Variants in CHL1 observed in about 807,000 individuals in gnomAD.
The protein encoded by CHL1 is neural cell adhesion molecule L1-like protein.
A neutral mutation model predicts 141.9 loss-of-function variants in CHL1; 96 were observed. The observed-to-expected ratio is 0.68, with a 90% CI of 0.57 to 0.80. The LOEUF (loss-of-function observed/expected upper bound fraction) is 0.80. CHL1 is among the 30% of genes least tolerant of loss of function. CHL1 has a pLI of 0.00. For synonymous variants in CHL1, 613 were observed against 502.2 expected (o/e 1.22, Z -2.95); for missense variants, 1,820 against 1,457.2 (o/e 1.25, Z -4.05).
At chr3:233,537 TAA>T (rs1396184646) in intron 1 of CHL1, among the ~76,000 whole-genome samples, 1 of 152,192 alleles carries the variant, frequency 6.6e-6, no homozygotes, top group Non-Finnish European at 1.5e-5. Context: ...TCTATTACAT[TAA>T]GTCATCTTCA....
At chr3:232,879 C>T (rs1261092828) in intron 1 of CHL1, among the ~76,000 whole-genome samples, 1 of 152,134 alleles carries the variant, frequency 6.6e-6, no homozygotes, top group African/African-American at 2.4e-5. Context: ...CTCTGTTACT[C>T]CACTTCCTTT....
At chr3:197,780 T>A (rs1046842810) in intron 1 of CHL1, 1 of 455,838 alleles carries the variant, frequency 2.2e-6, no homozygotes, top group Admixed American at 2.4e-5. Flanking sequence ...GGGGCCGTGG[T>A]TGCCATGGCT....
intron 1 of CHL1, among the ~76,000 whole-genome samples, chr3:204,966 G>C (rs879510249): frequency 2.0e-5 from 3 of 152,142 alleles, no homozygotes; most frequent in Non-Finnish European, 4.4e-5. Context: ...CAAGTAGTTA[G>C]CTTTACCACT....
At chr3:333,828 T>A (rs1701651560) in intron 5 of CHL1, among the ~76,000 whole-genome samples, 1 of 152,226 alleles carries the variant, frequency 6.6e-6, no homozygotes. Context: ...TAAATAATCC[T>A]AATTTGACTG....
chr3:227,197 G>A (rs1701432169), intron 1 of CHL1, among the ~76,000 whole-genome samples: 1 of 152,134 alleles, frequency 6.6e-6, no homozygotes, highest in Admixed American at 6.5e-5. Context: ...CAAGCAGAGA[G>A]TAGTTTTTAA....
At chr3:220,015 T>C (rs1181069120) in intron 1 of CHL1, among the ~76,000 whole-genome samples, 2 of 152,190 alleles carry the variant, frequency 1.3e-5, no homozygotes, top group Non-Finnish European at 2.9e-5. Flanking sequence ...ACTACTGATA[T>C]ATGCAACAAA....
intron 27 of CHL1, among the ~76,000 whole-genome samples, chr3:404,293 T>G (rs1709365606): frequency 6.6e-6 from 1 of 152,200 alleles, no homozygotes; most frequent in African/African-American, 2.4e-5. Context: ...GCCATCCTGC[T>G]TTATTCCTAG....
At chr3:337,245 C>CAG (rs1354736731) in intron 5 of CHL1, among the ~76,000 whole-genome samples, 2 of 139,190 alleles carry the variant, frequency 1.4e-5, no homozygotes, top group Non-Finnish European at 3.0e-5. Flanking sequence ...GGCTGGAGGG[C>CAG]AGTGGCACAA....
chr3:369,709 A>G (rs1404089963), intron 15 of CHL1, among the ~76,000 whole-genome samples: 3 of 152,224 alleles, frequency 2.0e-5, no homozygotes, highest in South Asian at 2.1e-4. Flanking sequence ...GCTTTTGCCA[A>G]TTCAATATGA....
chr3:241,778 G>A, intron 1 of CHL1, among the ~76,000 whole-genome samples: 1 of 150,938 alleles, frequency 6.6e-6, no homozygotes, highest in Non-Finnish European at 1.5e-5. Flanking sequence ...CTCCATTCTT[G>A]TTTTACATTT....
chr3:263,936 A>C (rs544691052), intron 2 of CHL1, among the ~76,000 whole-genome samples: 1 of 152,366 alleles, frequency 6.6e-6, no homozygotes, highest in East Asian at 1.9e-4. Flanking sequence ...TTTTAAAAGA[A>C]TGACCTTTCC....
At chr3:299,821 C>T (rs369214282) in intron 2 of CHL1, among the ~76,000 whole-genome samples, 7 of 152,054 alleles carry the variant, frequency 4.6e-5, no homozygotes, top group East Asian at 1.9e-4. Flanking sequence ...TGTGCCTCTG[C>T]GAACACCCAC....
intron 2 of CHL1, among the ~76,000 whole-genome samples, chr3:279,256 CCGGTTT>C (rs2125285699): frequency 6.6e-6 from 1 of 152,118 alleles, no homozygotes; most frequent in East Asian, 1.9e-4. Context: ...GAGAAAGTAT[CCGGTTT>C]CTTGCATCAT....
chr3:328,522 C>G (rs1024988909), intron 5 of CHL1, 168 bp downstream of exon 5: 1 of 491,288 alleles, frequency 2.0e-6, no homozygotes, highest in Non-Finnish European at 3.5e-6. Context: ...TACTTAAAAT[C>G]GGATGACCTT....
chr3:289,797 T>C (rs1697505946), intron 2 of CHL1, among the ~76,000 whole-genome samples: 1 of 151,904 alleles, frequency 6.6e-6, no homozygotes, highest in African/African-American at 2.4e-5. Context: ...TACATCTTAT[T>C]TAATACATAT....
intron 2 of CHL1, among the ~76,000 whole-genome samples, chr3:291,921 T>C (rs981259772): frequency 3.9e-5 from 6 of 152,204 alleles, no homozygotes; most frequent in Non-Finnish European, 7.3e-5. Context: ...CTTATAAATA[T>C]AACCTTTGTG....
intron 4 of CHL1, among the ~76,000 whole-genome samples, chr3:327,199 G>A (rs1293057438): frequency 6.6e-6 from 1 of 151,876 alleles, no homozygotes; most frequent in Non-Finnish European, 1.5e-5. Context: ...TTGAAGGTTT[G>A]TTATTCCTGT....
intron 1 of CHL1, among the ~76,000 whole-genome samples, chr3:209,946 C>G (rs1699764805): frequency 6.6e-6 from 1 of 152,204 alleles, no homozygotes; most frequent in Non-Finnish European, 1.5e-5. Context: ...TAAATACCAT[C>G]ACCATTCCAT....
chr3:376,524 G>T (rs1706347019), intron 15 of CHL1: 1 of 438,280 alleles, frequency 2.3e-6, no homozygotes, highest in Non-Finnish European at 4.5e-6. Context: ...TGGAAACAAG[G>T]CATAGTGCAA....
Sources: allele counts gnomAD v4.1 joint callset (sites outside exome capture counted in the v4.1 genomes callset), GRCh38; gene constraint gnomAD v4.1.1; transcripts MANE v1.5; gene names NCBI Gene and HGNC (gene_info 2026-07-23, HGNC 2026-07-21).